The following OR10A3 variants were observed in gnomAD, a reference collection of about 807,000 sequenced individuals.
OR10A3 encodes olfactory receptor family 10 subfamily A member 3, also known as olfactory receptor 10A3.
OR10A3 carries 1 observed loss-of-function variant against 1.5 expected under a neutral mutation model. The observed-to-expected ratio is 0.66, with a 90% CI of 0.23 to 3.11. The LOEUF is 3.11. Among genes scored for constraint, OR10A3 ranks in the 30% most tolerant of loss-of-function variants. The pLI, the probability that OR10A3 is intolerant of heterozygous loss-of-function variation, is 0.21. For synonymous variants in OR10A3, 145 were observed against 143.7 expected, an observed-to-expected ratio of 1.01 and a Z score of -0.06; for missense variants, 398 against 369.7, an observed-to-expected ratio of 1.08 and a Z score of -0.63.
At position 7,939,490 on chromosome 11, in the gene OR10A3, C is replaced by T. The variant is rs1941409274; in HGVS notation, c.31G>A (p.Glu11Lys). The T allele has an allele frequency of 6.3e-7, 1 of 1,578,942 alleles. No individual in the cohort carries two copies. Residue 11 changes from glutamate (E) to lysine (K), a missense_variant, in exon 2 of 2, where the codon GAA (glutamate) becomes AAA (lysine). By Grantham distance (56) the Glu-to-Lys change is moderately conservative. Coordinates refer to ENST00000642047, the MANE Select transcript of OR10A3 (RefSeq NM_001003745.2). The stretch of plus-strand genomic sequence containing the variant: ...TTAGAAAAGCCCAGGAGGATGAATT[C>T]AACCACACAGCTTTGATTTTGTCTT... MKRQNQSCVV[E>K]FILLGFSNFP...
In OR10A3 at chr11:7,938,301, C is replaced by CAAA. The variant is rs10606445; in HGVS notation, c.*272_*274dup. The CAAA allele has an allele frequency of 1.1e-4, 19 of 175,192 alleles. No homozygotes were observed. Among genetic ancestry groups the CAAA allele is most frequent in the Middle Eastern group, 2.0e-3 (1 of 492 alleles). The allele number at this position is 175,192 out of a possible 1,614,324, so 10.9% of individuals were successfully genotyped here. A position where few individuals can be genotyped will look rare whatever the true frequency, so the allele number is the denominator to read the frequency against. On this transcript the variant is annotated 3_prime_UTR_variant, in exon 2 of 2. Coordinates refer to ENST00000642047, the MANE Select transcript of OR10A3 (RefSeq NM_001003745.2). ...CCTGGGCTGGAGCGAAACTCCATCT[C>CAAA]AAAAAAAAAAAAAAAAAAAATGACA...
chr11:7,940,340 AACCAG>A (rs1941425932), intron 1 of OR10A3, among the ~76,000 whole-genome samples: 2 of 152,056 alleles, frequency 1.3e-5, no homozygotes, highest in Non-Finnish European at 2.9e-5. Context: ...CTCTGCTCTC[AACCAG>A]AGCAACAATC....
rs1268374112 is a variant in OR10A3, at chr11:7,939,271, C to T, written c.250G>A (p.Val84Met). ...ATCATAGTTTTCTCAGTAGAGAGCA[C>T]CACCAGCATTTCAGGCGTAATGACT... Reference protein sequence around the residue: ...SAVITPEMLVVLSTEKTMISF... With the variant: ...SAVITPEMLVMLSTEKTMISF... Residue 84 changes from valine (V) to methionine (M), a missense_variant, in exon 2 of 2, where the codon GTG becomes ATG. Val to Met is a conservative substitution (Grantham distance 21, BLOSUM62 1). Transcript: ENST00000642047. The T allele has an allele frequency of 6.2e-7, 1 of 1,614,148 alleles. No individual in the cohort carries two copies. The highest frequency in any genetic ancestry group is 1.1e-5 in the South Asian group (1 of 91,078).
chr11:7,941,539 G>A (rs1252335575), intron 1 of OR10A3, 48 bp downstream of exon 1: 1 of 152,060 alleles, frequency 6.6e-6, no homozygotes, highest in Non-Finnish European at 1.5e-5. Flanking sequence ...TCTAATTACT[G>A]TCGAACTTTT....
chr11:7,941,105 A>C (rs1363403044), intron 1 of OR10A3, among the ~76,000 whole-genome samples: 1 of 152,162 alleles, frequency 6.6e-6, no homozygotes, highest in Non-Finnish European at 1.5e-5. Context: ...GGAAAAAAAA[A>C]TGCCTAAGTA....
At position 7,938,573 on chromosome 11, in the gene OR10A3, C is replaced by G. The variant is rs751127559; in HGVS notation, c.*3G>C. Reference sequence around the variant, plus strand: ...CCAAATCTTACTCAGCTTCTCAACACAATCAGAATGTGTGTAAAATCACTT... The same window carrying G: ...CCAAATCTTACTCAGCTTCTCAACAGAATCAGAATGTGTGTAAAATCACTT... On this transcript the variant is annotated 3_prime_UTR_variant, in exon 2 of 2. Transcript: ENST00000642047. 3.2e-5 allele frequency: 51 copies of G among 1,598,698 alleles called. No individual in the cohort carries two copies. Among genetic ancestry groups the G allele is most frequent in the Non-Finnish European group, 4.3e-5 (50 of 1,172,152 alleles).
rs1941385844 is a variant in OR10A3, at chr11:7,938,379, G to A, written c.*197C>T. The A allele has an allele frequency of 1.9e-6, 1 of 518,130 alleles. No individual in the cohort carries two copies. Among genetic ancestry groups the A allele is most frequent in the African/African-American group, 1.9e-5 (1 of 51,700 alleles). 32.1% of individuals were successfully genotyped at this position (518,130 alleles called of 1,614,324 possible). A position where few individuals can be genotyped will look rare whatever the true frequency, so the allele number is the denominator to read the frequency against. On this transcript the variant is annotated 3_prime_UTR_variant, in exon 2 of 2. Transcript: ENST00000642047. ...TAATAGAGAAATGGATGAATAAACT[G>A]TTGTGTCATGTTATGAGAACATATG...
chr11:7,938,725 A>G lies in OR10A3; in HGVS notation c.796T>C (p.Tyr266His), dbSNP rs1000050091. Residue 266 changes from tyrosine (Y) to histidine (H), a missense_variant, in exon 2 of 2, where the codon TAC (tyrosine) becomes CAC (histidine). Transcript: ENST00000642047. ...ATCAGTTTCTTGGTTTCGGGTGAGT[A>G]GCCAGATTTGGGTTGTAAATAAGTC... ...NMTYLQPKSG[Y>H]SPETKKLISL... 4.3e-6 allele frequency: 7 copies of G among 1,614,098 alleles called. No individual in the cohort carries two copies. The African/African-American group carries it at 9.3e-5, about 22-fold the overall frequency.
chr11:7,938,851 C>A lies in OR10A3; in HGVS notation c.670G>T (p.Ala224Ser). The A allele has an allele frequency of 6.2e-7, 1 of 1,614,066 alleles. No individual in the cohort carries two copies. Among genetic ancestry groups the A allele is most frequent in the Non-Finnish European group, 8.5e-7 (1 of 1,180,004 alleles). Reference protein sequence around the residue: ...ILLSYIRVLFAILKMPSTTGR... With the variant: ...ILLSYIRVLFSILKMPSTTGR... ...GTAGTTGATGGCATCTTCAGGATGG[C>A]AAACAGAACTCGAATGTAAGACAAG... is the stretch of plus-strand genomic sequence containing the variant. Residue 224 changes from alanine (A) to serine (S), a missense_variant, in exon 2 of 2, where the codon GCC becomes TCC. By Grantham distance (99) the Ala-to-Ser change is moderately conservative (BLOSUM62 1). Transcript: ENST00000642047.
In OR10A3 at chr11:7,939,577, G is replaced by A. The variant is rs755524573; in HGVS notation, c.-57C>T. 177 of 1,342,066 alleles carry A rather than the reference G, an allele frequency of 1.3e-4. 1 individual carries two copies. Among genetic ancestry groups the A allele is most frequent in the Middle Eastern group, 1.1e-3 (6 of 5,292 alleles). The allele number at this position is 1,342,066 out of a possible 1,614,324, so 83.1% of individuals were successfully genotyped here. ...GACCTGGTATATCGAGTATGAAGTC[G>A]TAATCCCATAGCTGTGAGTTCAAGT... On this transcript the variant is annotated 5_prime_UTR_variant, in exon 2 of 2. It adds an upstream start codon to the 5' untranslated region. Transcript: ENST00000642047.
Position 7,938,407 on chromosome 11 carries a change from T to C in OR10A3, c.*169A>G. 1 of 586,158 alleles carries C rather than the reference T, an allele frequency of 1.7e-6. No homozygotes were observed. The highest frequency in any genetic ancestry group is 3.3e-5 in the Admixed American group (1 of 30,402). 36.3% of individuals were successfully genotyped at this position (586,158 alleles called of 1,614,324 possible). ...GTGTCATGTTATGAGAACATATGTA[T>C]CTACTAAAAACAAGTGACAGCAGTT... On this transcript the variant is annotated 3_prime_UTR_variant, in exon 2 of 2. Coordinates refer to ENST00000642047, the MANE Select transcript of OR10A3 (RefSeq NM_001003745.2).
rs1165139826 is a variant in OR10A3 at position 7,939,000 on chromosome 11, A to G, written c.521T>C (p.Ile174Thr). 1 of 1,614,176 alleles carries G rather than the reference A, an allele frequency of 6.2e-7. No individual in the cohort carries two copies. The highest frequency in any genetic ancestry group is 8.5e-7 in the Non-Finnish European group (1 of 1,180,028). Residue 174 changes from isoleucine to threonine, a missense_variant, in exon 2 of 2, where the codon ATT (isoleucine) becomes ACT (threonine). Coordinates refer to ENST00000642047, the MANE Select transcript of OR10A3 (RefSeq NM_001003745.2). ...FSFPFCGPNE[I>T]NHLFCETPPV... The stretch of plus-strand genomic sequence containing the variant: ...GGGAGTCTCACAGAAGAGATGATTA[A>G]TTTCATTGGGGCCACAAAATGGAAA...
rs541488448 is a variant in OR10A3, at chr11:7,937,674, G to A, written c.*902C>T. On this transcript the variant is annotated 3_prime_UTR_variant, in exon 2 of 2. Transcript: ENST00000642047. ...CAGTTTGGGATTATAATTTGTGTAA[G>A]GTCATGAAGTAGAACCATTTTTGGC... is the stretch of plus-strand genomic sequence containing the variant. 6.6e-6 allele frequency: 1 copy of A among 152,228 alleles called. No homozygotes were observed. The highest frequency in any genetic ancestry group is 1.5e-5 in the Non-Finnish European group (1 of 68,006). The allele number at this position is 152,228 out of a possible 1,614,324, so 9.4% of individuals were successfully genotyped here.
chr11:7,939,165 G>GC lies in OR10A3; in HGVS notation c.355dup (p.Ala119GlyfsTer3). 6.2e-7 allele frequency: 1 copy of GC among 1,614,178 alleles called. No individual in the cohort carries two copies. Among genetic ancestry groups the GC allele is most frequent in the Non-Finnish European group, 8.5e-7 (1 of 1,180,034 alleles). On this transcript the variant is annotated frameshift_variant, in exon 2 of 2. Transcript: ENST00000642047. LOFTEE classifies it high-confidence loss of function. Reference sequence around the variant, plus strand: ...GCAAATTGCAGCAAATCGGTCATAAGCCATCGCTCCCAGGAGAAAACATTC... The same window carrying GC: ...GCAAATTGCAGCAAATCGGTCATAAGCCCATCGCTCCCAGGAGAAAACATTC...
intron 1 of OR10A3, among the ~76,000 whole-genome samples, chr11:7,939,994 G>A (rs1299966510): frequency 6.6e-6 from 1 of 152,220 alleles, no homozygotes; most frequent in African/African-American, 2.4e-5. Flanking sequence ...CTTGGCTGCA[G>A]TCCTAACTCT....
Position 7,938,664 on chromosome 11 carries a change from T to C in OR10A3, c.857A>G (p.Asn286Ser). 1 of 1,614,182 alleles carries C rather than the reference T, an allele frequency of 6.2e-7. No homozygotes were observed. Among genetic ancestry groups the C allele is most frequent in the Non-Finnish European group, 8.5e-7 (1 of 1,180,034 alleles). ...GTTTCGTAAGCTATAGATGAGCGGATTGAGCAGAGGGGTAAGCAACGTGTA... is the reference window on the plus strand; with the variant it reads ...GTTTCGTAAGCTATAGATGAGCGGACTGAGCAGAGGGGTAAGCAACGTGTA... Reference protein sequence around the residue: ...LAYTLLTPLLNPLIYSLRNSE... With the variant: ...LAYTLLTPLLSPLIYSLRNSE... The change falls in exon 2 of 2, where the codon AAT (asparagine) becomes AGT (serine). Residue 286 changes from asparagine to serine, a missense_variant. Transcript: ENST00000642047.
Position 7,938,382 on chromosome 11 carries a change from G to T in OR10A3, c.*194C>A. The T allele has an allele frequency of 5.8e-6, 3 of 520,012 alleles. No homozygotes were observed. Among genetic ancestry groups the T allele is most frequent in the Non-Finnish European group, 6.7e-6 (2 of 297,766 alleles). The allele number at this position is 520,012 out of a possible 1,614,324, so 32.2% of individuals were successfully genotyped here. On this transcript the variant is annotated 3_prime_UTR_variant, in exon 2 of 2. Coordinates refer to ENST00000642047, the MANE Select transcript of OR10A3 (RefSeq NM_001003745.2). ...TAGAGAAATGGATGAATAAACTGTT[G>T]TGTCATGTTATGAGAACATATGTAT...
At position 7,938,977 on chromosome 11, in the gene OR10A3, G is replaced by A; in HGVS notation, c.544C>T (p.Pro182Ser). The A allele has an allele frequency of 1.2e-6, 2 of 1,614,156 alleles. No individual in the cohort carries two copies. The highest frequency in any genetic ancestry group is 1.3e-5 in the African/African-American group (1 of 75,046). The change falls in exon 2 of 2, where the codon CCC becomes TCC. Residue 182 changes from proline (P) to serine (S), a missense_variant. Transcript: ENST00000642047. ...NEINHLFCET[P>S]PVLELVCADT... ...GCACACACAAGCTCTAGTACCGGGG[G>A]AGTCTCACAGAAGAGATGATTAATT...
chr11:7,938,995 G>T lies in OR10A3; in HGVS notation c.526C>A (p.His176Asn), dbSNP rs754413151. The stretch of plus-strand genomic sequence containing the variant: ...ACCGGGGGAGTCTCACAGAAGAGAT[G>T]ATTAATTTCATTGGGGCCACAAAAT... ...FPFCGPNEIN[H>N]LFCETPPVLE... The change falls in exon 2 of 2, where the codon CAT becomes AAT. Residue 176 changes from histidine (H) to asparagine (N), a missense_variant. By Grantham distance (68) the His-to-Asn change is moderately conservative. Transcript: ENST00000642047. The T allele has an allele frequency of 2.0e-5, 32 of 1,614,180 alleles. No homozygotes were observed. The South Asian group carries it at 2.9e-4, about 14-fold the overall frequency.
Sources: allele counts gnomAD v4.1 joint callset (sites outside exome capture counted in the v4.1 genomes callset), GRCh38; gene constraint gnomAD v4.1.1; transcripts MANE v1.5; gene names NCBI Gene and HGNC (gene_info 2026-07-23, HGNC 2026-07-21).